Variants in PATJ observed in about 807,000 individuals in gnomAD.
The protein encoded by PATJ is PATJ crumbs cell polarity complex component.
PATJ carries 190 observed loss-of-function variants against 224.9 expected under a neutral mutation model. The ratio of observed to expected loss-of-function variants is 0.84; its 90% CI spans 0.75 to 0.95. The LOEUF (loss-of-function observed/expected upper bound fraction) is 0.95. PATJ is among the 40% of genes least tolerant of loss of function. PATJ has a pLI of 0.00. For synonymous variants in PATJ, 769 were observed against 820.3 expected (o/e 0.94, Z 1.07); for missense variants, 2,121 against 2,270.3 (o/e 0.93, Z 1.34).
At chr1:61,869,617 A>G (rs1172749869) in intron 20 of PATJ, among the ~76,000 whole-genome samples, 1 of 152,190 alleles carries the variant, frequency 6.6e-6, no homozygotes, top group South Asian at 2.1e-4. Flanking sequence ...GTTTATAATA[A>G]TCTTCATACT....
chr1:61,783,423 C>CTTTTTTTTTTTTTTT (rs79615768), intron 7 of PATJ, among the ~76,000 whole-genome samples: 5 of 119,202 alleles, frequency 4.2e-5, no homozygotes, highest in Non-Finnish European at 8.8e-5. Flanking sequence ...CTTTTCTTTT[C>CTTTTTTTTTTTTTTT]TTTTTTTTTT....
chr1:62,101,254 CT>C (rs1159978968), intron 33 of PATJ, among the ~76,000 whole-genome samples: 1 of 137,846 alleles, frequency 7.3e-6, no homozygotes, highest in Non-Finnish European at 1.6e-5. Flanking sequence ...AGTTTCTTTT[CT>C]TTTCTTTTTT....
At position 61,903,813 on chromosome 1, in the gene PATJ, C is replaced by T. The variant is rs1310446899; in HGVS notation, c.3381+2354C>T. Among the ~76,000 whole-genome samples, 8 of 150,320 alleles carry T rather than the reference C, an allele frequency of 5.3e-5. No individual in the cohort carries two copies. In the East Asian group the frequency reaches 1.4e-3, roughly 25 times the overall value. ...TTTGAGATGGAGTCTCTCTCTGTCA[C>T]CCAGGCTGGAGTGCAGTGGCGCAAT... On this transcript the variant is annotated intron_variant, in intron 24 of 43. Transcript: ENST00000642238.
intron 17 of PATJ, among the ~76,000 whole-genome samples, chr1:61,850,399 G>T (rs557782556): frequency 1.3e-5 from 2 of 152,176 alleles, no homozygotes; most frequent in Non-Finnish European, 2.9e-5. Context: ...CAAATGAATG[G>T]ATTCTTGAGA....
At chr1:61,781,049 T>C (rs531952276) in intron 7 of PATJ, among the ~76,000 whole-genome samples, 2 of 152,332 alleles carry the variant, frequency 1.3e-5, no homozygotes, top group East Asian at 3.9e-4. Context: ...GAAGTTTTAT[T>C]CCCAAATTAT....
At chr1:61,774,100 A>G (rs1225348750) in intron 6 of PATJ, among the ~76,000 whole-genome samples, 1 of 136,254 alleles carries the variant, frequency 7.3e-6, no homozygotes, top group Non-Finnish European at 1.5e-5. Context: ...AGCCTGGGAG[A>G]TAGAGCAAGA....
chr1:62,149,125 T>C (rs1372549996), intron 42 of PATJ, among the ~76,000 whole-genome samples: 9 of 122,182 alleles, frequency 7.4e-5, no homozygotes, highest in Non-Finnish European at 9.8e-5. Flanking sequence ...GGAAACTCCA[T>C]CTCAAAAAAA....
At chr1:61,992,713 C>T (rs745594683) in intron 28 of PATJ, among the ~76,000 whole-genome samples, 17 of 152,126 alleles carry the variant, frequency 1.1e-4, no homozygotes, top group Non-Finnish European at 2.4e-4. Flanking sequence ...TTTTATTAGA[C>T]AGTGGTAACA....
At chr1:61,997,960 G>T (rs1645475989) in intron 28 of PATJ, among the ~76,000 whole-genome samples, 2 of 126,150 alleles carry the variant, frequency 1.6e-5, no homozygotes, top group South Asian at 2.4e-4. Flanking sequence ...TAGAACTATA[G>T]GTGCATGCCA....
intron 41 of PATJ, among the ~76,000 whole-genome samples, chr1:62,133,559 C>T (rs565683441): frequency 1.1e-4 from 17 of 152,124 alleles, no homozygotes; most frequent in African/African-American, 3.9e-4. Context: ...CCAGCCTAGT[C>T]GAGAGTGAGA....
intron 41 of PATJ, among the ~76,000 whole-genome samples, chr1:62,136,184 C>T (rs949205865): frequency 2.0e-4 from 31 of 151,858 alleles, no homozygotes; most frequent in Non-Finnish European, 2.4e-4. Flanking sequence ...AGGCTCACAC[C>T]GCCACGCCCG....
At chr1:61,804,210 A>G (rs1011642312) in intron 12 of PATJ, among the ~76,000 whole-genome samples, 6 of 152,192 alleles carry the variant, frequency 3.9e-5, no homozygotes, top group African/African-American at 1.2e-4. Context: ...AGGAAATGCT[A>G]ACAGGAATAG....
intron 21 of PATJ, chr1:61,875,584 A>G (rs1218163698): frequency 2.6e-6 from 1 of 381,266 alleles, no homozygotes; most frequent in Non-Finnish European, 4.8e-6. Flanking sequence ...TGAGAAGGCT[A>G]CATTTTCTCT....
rs574463046 is a variant in PATJ, at chr1:61,871,448, T to C, written c.2836-3795T>C. On this transcript the variant is annotated intron_variant, in intron 20 of 43. Coordinates refer to ENST00000642238, the MANE Select transcript of PATJ (RefSeq NM_001350145.3). The stretch of plus-strand genomic sequence containing the variant: ...GTACATATATATGTGTATATACACA[T>C]ATATATGCGTATATATATGTATATA... Among the ~76,000 whole-genome samples the C allele has an allele frequency of 8.9e-3, 1,184 of 133,696 alleles. 10 individuals carry two copies. Among genetic ancestry groups the C allele is most frequent in the Non-Finnish European group, 0.016 (971 of 62,272 alleles). The allele number at this position is 133,696 out of a possible 152,430, so 87.7% of individuals were successfully genotyped here.
intron 42 of PATJ, among the ~76,000 whole-genome samples, chr1:62,151,578 G>A (rs565454896): frequency 1.5e-4 from 22 of 151,668 alleles, no homozygotes; most frequent in East Asian, 9.7e-4. Context: ...GTGACAGAGC[G>A]AGACTCCGTC....
rs796344533 is a variant in PATJ, at chr1:61,790,136, TG to T, written c.1069-1211del. On this transcript the variant is annotated intron_variant, in intron 8 of 43. Transcript: ENST00000642238. The stretch of plus-strand genomic sequence containing the variant: ...GGAGGATTGCTTGAGGCCAGGAGTT[TG>T]AGGTTGCAATAAGCTGTGATTGCTC... Among the ~76,000 whole-genome samples, 23 of 148,476 alleles carry T rather than the reference TG, an allele frequency of 1.5e-4. 1 individual carries two copies. The highest frequency in any genetic ancestry group is 5.7e-4 in the African/African-American group (23 of 40,178).
chr1:62,000,336 A>C (rs1645680627), intron 28 of PATJ, among the ~76,000 whole-genome samples: 1 of 137,440 alleles, frequency 7.3e-6, no homozygotes, highest in Admixed American at 7.1e-5. Flanking sequence ...TCCTAATGCT[A>C]TGCCTCCCCC....
chr1:61,743,468 C>T (rs1644864961), intron 1 of PATJ, among the ~76,000 whole-genome samples: 1 of 152,068 alleles, frequency 6.6e-6, no homozygotes, highest in South Asian at 2.1e-4. Context: ...CCTTATTTTT[C>T]GACTGCATTT....
chr1:61,877,825 T>A (rs1192880318), intron 21 of PATJ, among the ~76,000 whole-genome samples: 6 of 152,210 alleles, frequency 3.9e-5, no homozygotes, highest in Non-Finnish European at 8.8e-5. Context: ...ATTTATTTTT[T>A]AAAAATCTCC....
Sources: gnomAD v4.1 joint callset for allele counts (sites outside exome capture counted in the v4.1 genomes callset) on GRCh38, gnomAD v4.1.1 for gene constraint, MANE v1.5 for transcripts, NCBI Gene and HGNC (gene_info 2026-07-23, HGNC 2026-07-21) for gene names.